NLRC4: variants seen among roughly 807,000 people sequenced by gnomAD.
NLRC4 encodes the protein NLR family CARD domain-containing protein 4.
A neutral mutation model predicts 79.9 loss-of-function variants in NLRC4; 63 were observed. The observed-to-expected ratio is 0.79, with a 90% CI of 0.64 to 0.97. The LOEUF (loss-of-function observed/expected upper bound fraction) is 0.97, where lower values mean the gene tolerates loss of function less well. Ranked by LOEUF, NLRC4 falls within the 50% of genes least tolerant of loss-of-function variation. The pLI is 0.00. For missense variants in NLRC4, 1,074 were observed against 1,215.2 expected, an observed-to-expected ratio of 0.88 and a Z score of 1.73; for synonymous variants, 461 against 456.5, an observed-to-expected ratio of 1.01 and a Z score of -0.12.
At chr2:32,233,349 A>ATATATATATATATTTT (rs1418146489) in intron 8 of NLRC4, among the ~76,000 whole-genome samples, 3 of 41,102 alleles carry the variant, frequency 7.3e-5, no homozygotes, top group African/African-American at 9.5e-5. Context: ...ATATATATAT[A>ATATATATATATATTTT]TTTTTTTTTT....
chr2:32,239,152 A>C (rs1343252991), intron 5 of NLRC4, among the ~76,000 whole-genome samples: 1 of 152,142 alleles, frequency 6.6e-6, no homozygotes, highest in Non-Finnish European at 1.5e-5. Flanking sequence ...GTGATGGTGC[A>C]CACCTGTAAT....
chr2:32,258,773 C>T (rs1250364798), intron 1 of NLRC4, among the ~76,000 whole-genome samples: 5 of 152,106 alleles, frequency 3.3e-5, no homozygotes, highest in Non-Finnish European at 5.9e-5. Flanking sequence ...AAGCAACTTC[C>T]TTTCTCCCTT....
chr2:32,250,246 T>G lies in NLRC4; in HGVS notation c.1618A>C (p.Thr540Pro). The G allele has an allele frequency of 6.2e-7, 1 of 1,614,164 alleles. No homozygotes were observed. The highest frequency in any genetic ancestry group is 2.2e-5 in the East Asian group (1 of 44,886). The change falls in exon 4 of 9, where the codon ACC becomes CCC. Residue 540 changes from threonine to proline, a missense_variant. Physicochemically the swap from Thr to Pro is conservative, Grantham distance 38. Coordinates refer to ENST00000402280, the MANE Select transcript of NLRC4 (RefSeq NM_001199138.2). The surrounding 1 kb of genome is among the most constrained non-coding windows in gnomAD (Gnocchi z 4.9). Reference protein sequence around the residue: ...RQESLQSVKNTTEQEILKAIN... With the variant: ...RQESLQSVKNPTEQEILKAIN... ...GCTTTCAGAATTTCTTGCTCAGTGG[T>G]GTTTTTCACACTTTGCAAAGATTCC...
chr2:32,226,411 T>C (rs1444292732), intron 8 of NLRC4, among the ~76,000 whole-genome samples: 1 of 152,224 alleles, frequency 6.6e-6, no homozygotes. Flanking sequence ...CAGGTTCTTC[T>C]TTACAGACAC....
intron 2 of NLRC4, among the ~76,000 whole-genome samples, chr2:32,254,809 G>A (rs1296353814): frequency 6.6e-6 from 1 of 151,678 alleles, no homozygotes. Flanking sequence ...GTAGAGATGA[G>A]ATTTCTCTAT....
chr2:32,259,863 C>G (rs1020253658), intron 1 of NLRC4, among the ~76,000 whole-genome samples: 1 of 137,896 alleles, frequency 7.3e-6, no homozygotes, highest in African/African-American at 2.7e-5. Flanking sequence ...GTGTAAGTCA[C>G]TCATGCTGTT....
chr2:32,232,154 C>G (rs970666974), intron 8 of NLRC4, among the ~76,000 whole-genome samples: 11 of 152,124 alleles, frequency 7.2e-5, no homozygotes, highest in African/African-American at 2.7e-4. Context: ...TACATACTAT[C>G]AACATGAATC....
At chr2:32,258,646 T>C (rs1231078689) in intron 1 of NLRC4, among the ~76,000 whole-genome samples, 1 of 152,232 alleles carries the variant, frequency 6.6e-6, no homozygotes, top group Non-Finnish European at 1.5e-5. Context: ...CTTTATCCTA[T>C]GAGCAACTGG....
intron 4 of NLRC4, among the ~76,000 whole-genome samples, chr2:32,243,223 A>G (rs1293554166): frequency 6.6e-6 from 1 of 151,680 alleles, no homozygotes; most frequent in Non-Finnish European, 1.5e-5. Flanking sequence ...AGCCTGGCCA[A>G]CATGGTGAAA....
At position 32,250,718 on chromosome 2, in the gene NLRC4, A is replaced by T. The variant is rs749383745; in HGVS notation, c.1146T>A (p.Ala382=). 1 of 1,614,240 alleles carries T rather than the reference A, an allele frequency of 6.2e-7. No individual in the cohort carries two copies. Among genetic ancestry groups the T allele is most frequent in the Non-Finnish European group, 8.5e-7 (1 of 1,180,034 alleles). The change falls in exon 4 of 9, where the codon GCT becomes GCA. Residue 382 remains alanine (A), a synonymous_variant. Coordinates refer to ENST00000402280, the MANE Select transcript of NLRC4 (RefSeq NM_001199138.2). This position sits in a 1 kb window ranked among gnomAD's most constrained non-coding sequence, Gnocchi z 4.9. ...QKNKHKHKGV[A]ASDFIRSLDH... is the part of the protein sequence containing the mutation. ...CCAGGCTCCGAATGAAGTCACTTGC[A>T]GCCACACCTTTATGTTTGTGTTTGT...
intron 3 of NLRC4, 29 bp from the exon 4 acceptor site, chr2:32,251,630 G>A: frequency 6.8e-7 from 1 of 1,477,100 alleles, no homozygotes; most frequent in Non-Finnish European, 9.2e-7. Flanking sequence ...TGTTAAAGAA[G>A]ACCCAATTCT....
intron 8 of NLRC4, among the ~76,000 whole-genome samples, chr2:32,230,107 G>A (rs905402488): frequency 6.6e-6 from 1 of 152,134 alleles, no homozygotes; most frequent in African/African-American, 2.4e-5. Flanking sequence ...GTGAGGGTGA[G>A]GCTGGCATCT....
Position 32,251,165 on chromosome 2 carries a change from C to T in NLRC4, c.699G>A (p.Met233Ile). Residue 233 changes from methionine (M) to isoleucine (I), a missense_variant, in exon 4 of 9, where the codon ATG becomes ATA. By Grantham distance (10) the Met-to-Ile change is conservative. Coordinates refer to ENST00000402280, the MANE Select transcript of NLRC4 (RefSeq NM_001199138.2). ...IPGTIRKQTFMAMLLKLRQRV... is the reference protein window; with the variant it reads ...IPGTIRKQTFIAMLLKLRQRV... ...TCTGCCGCAGCTTCAGCAGCATGGC[C>T]ATGAATGTCTGCTTCCTGATTGTGC... 6.2e-7 allele frequency: 1 copy of T among 1,614,194 alleles called. No individual in the cohort carries two copies. Among genetic ancestry groups the T allele is most frequent in the Non-Finnish European group, 8.5e-7 (1 of 1,180,042 alleles).
rs1686650114 is a variant in NLRC4, at chr2:32,235,453, G to A, written c.2730C>T (p.Val910=). 6.2e-7 allele frequency: 1 copy of A among 1,614,108 alleles called. No homozygotes were observed. Among genetic ancestry groups the A allele is most frequent in the Non-Finnish European group, 8.5e-7 (1 of 1,179,948 alleles). The change falls in exon 8 of 9, where the codon GTC becomes GTT. Residue 910 remains valine (V), a synonymous_variant. Transcript: ENST00000402280. The stretch of plus-strand genomic sequence containing the variant: ...GTCTCCAGTTTTTCAACCCAAGCTT[G>A]ACGAGTTGTGGGACCTCCTCCAAAT... ...LKHLEEVPQL[V]KLGLKNWRLT...
chr2:32,260,225 AAAAAAAAACAACG>A (rs1573505785), intron 1 of NLRC4, among the ~76,000 whole-genome samples: 2 of 151,280 alleles, frequency 1.3e-5, no homozygotes, highest in East Asian at 1.9e-4. Flanking sequence ...AAAAAAAAAA[AAAAAAAAACAACG>A]AAAAAAAAAA....
chr2:32,236,845 CAT>C (rs1178571653), intron 6 of NLRC4, among the ~76,000 whole-genome samples: 4 of 135,536 alleles, frequency 3.0e-5, no homozygotes, highest in South Asian at 2.3e-4. Flanking sequence ...ATAATAAAAA[CAT>C]AGTAAAAAAT....
In NLRC4 at chr2:32,255,313, G is replaced by A. The variant is rs555242032; in HGVS notation, c.1+1462C>T. On this transcript the variant is annotated intron_variant, in intron 2 of 8. Coordinates refer to ENST00000402280, the MANE Select transcript of NLRC4 (RefSeq NM_001199138.2). ...AGGTGGGCGGATTATCTGAGGTCGGGAGTTCGAGACTAGCCTGACCAACAT... is the reference window on the plus strand; with the variant it reads ...AGGTGGGCGGATTATCTGAGGTCGGAAGTTCGAGACTAGCCTGACCAACAT... 2.5e-4 allele frequency among the ~76,000 whole-genome samples: 38 copies of A among 152,136 alleles called. No individual in the cohort carries two copies. In the South Asian group the frequency reaches 7.7e-3, roughly 31 times the overall value.
rs1343680809 is a variant in NLRC4, at chr2:32,250,164, G to A, written c.1700C>T (p.Ser567Phe). The change falls in exon 4 of 9, where the codon TCC becomes TTC. Residue 567 changes from serine (S) to phenylalanine (F), a missense_variant. Coordinates refer to ENST00000402280, the MANE Select transcript of NLRC4 (RefSeq NM_001199138.2). This position sits in a 1 kb window ranked among gnomAD's most constrained non-coding sequence, Gnocchi z 4.9. ...AAATTCTTGGCTCAGGGCTGATTTG[G>A]ATGTACTCTCTTGATATAAATGGAT... is the stretch of plus-strand genomic sequence containing the variant. ...CGIHLYQESTSKSALSQEFEA... is the reference protein window; with the variant it reads ...CGIHLYQESTFKSALSQEFEA... The A allele has an allele frequency of 6.2e-7, 1 of 1,614,186 alleles. No individual in the cohort carries two copies. The highest frequency in any genetic ancestry group is 1.1e-5 in the South Asian group (1 of 91,080).
chr2:32,250,604 G>A lies in NLRC4; in HGVS notation c.1260C>T (p.Val420=). 1 of 1,614,126 alleles carries A rather than the reference G, an allele frequency of 6.2e-7. No homozygotes were observed. Among genetic ancestry groups the A allele is most frequent in the Non-Finnish European group, 8.5e-7 (1 of 1,180,016 alleles). ...TACAGAGGAGCCCAGTTGTCAGCAG[G>A]ACATCCTCATTCACGCTGGACACAT... ...LQDVSSVNED[V]LLTTGLLCKY... The change falls in exon 4 of 9, where the codon GTC becomes GTT. Residue 420 remains valine, a synonymous_variant. Coordinates refer to ENST00000402280, the MANE Select transcript of NLRC4 (RefSeq NM_001199138.2). The surrounding 1 kb of genome is among the most constrained non-coding windows in gnomAD (Gnocchi z 4.9).
Sources: allele counts gnomAD v4.1 joint callset (sites outside exome capture counted in the v4.1 genomes callset), GRCh38; gene constraint gnomAD v4.1.1; non-coding constraint Gnocchi (gnomAD v3.1); transcripts MANE v1.5; gene names NCBI Gene and HGNC (gene_info 2026-07-23, HGNC 2026-07-21).